The following ERC2 variants were observed in gnomAD, a reference collection of about 807,000 sequenced individuals.
ERC2 encodes the protein ERC protein 2.
Under a neutral mutation model 114.8 loss-of-function variants are expected in ERC2, and 42 were observed. That is an observed-to-expected ratio of 0.37 (90% confidence interval 0.29 to 0.47). The LOEUF is 0.47. ERC2 is among the 20% of genes least tolerant of loss of function. The pLI is 0.99. For missense variants in ERC2, 939 were observed against 1,150.7 expected (o/e 0.82, Z 2.66); for synonymous variants, 454 against 425.5 (o/e 1.07, Z -0.82).
At chr3:56,363,472 AC>A (rs2059034709) in intron 2 of ERC2, among the ~76,000 whole-genome samples, 1 of 152,224 alleles carries the variant, frequency 6.6e-6, no homozygotes, top group Non-Finnish European at 1.5e-5. Context: ...AACAAGGTGT[AC>A]ATGACTGAAT....
intron 2 of ERC2, among the ~76,000 whole-genome samples, chr3:56,425,746 T>A (rs142558915): frequency 2.0e-5 from 3 of 152,126 alleles, no homozygotes; most frequent in African/African-American, 7.2e-5. Context: ...TTATCAGGAC[T>A]GGCAATTACT....
intron 14 of ERC2, among the ~76,000 whole-genome samples, chr3:55,758,457 G>A (rs781164445): frequency 6.6e-6 from 1 of 152,180 alleles, no homozygotes; most frequent in African/African-American, 2.4e-5. Context: ...CTTCTCTGAC[G>A]GGTATCACCA....
At chr3:56,318,287 C>G (rs955579863) in intron 2 of ERC2, among the ~76,000 whole-genome samples, 26 of 152,112 alleles carry the variant, frequency 1.7e-4, no homozygotes, top group Admixed American at 2.6e-4. Flanking sequence ...CCTGGGCTCA[C>G]ACCTCAGCCT....
intron 6 of ERC2, among the ~76,000 whole-genome samples, chr3:56,095,179 A>T (rs1487563696): frequency 1.3e-5 from 2 of 152,164 alleles, no homozygotes; most frequent in African/African-American, 4.8e-5. Flanking sequence ...GCAGTGAGCT[A>T]TGATTGCACC....
chr3:56,452,273 G>T (rs2062857017), intron 1 of ERC2, among the ~76,000 whole-genome samples: 1 of 152,172 alleles, frequency 6.6e-6, no homozygotes, highest in South Asian at 2.1e-4. Flanking sequence ...GGTAAGGATT[G>T]TCAAGTTCCT....
chr3:56,064,565 A>G (rs1215593655), intron 7 of ERC2, among the ~76,000 whole-genome samples: 1 of 152,246 alleles, frequency 6.6e-6, no homozygotes, highest in Non-Finnish European at 1.5e-5. Flanking sequence ...ACAGAACGCA[A>G]CAGAAACTAA....
chr3:55,787,281 TG>T (rs2069589826), intron 14 of ERC2, among the ~76,000 whole-genome samples: 1 of 151,954 alleles, frequency 6.6e-6, no homozygotes, highest in African/African-American at 2.4e-5. Flanking sequence ...CTGGGTGTGG[TG>T]GTGCGCGCCT....
At chr3:55,985,870 A>G (rs930280502) in intron 12 of ERC2, 107 bp downstream of exon 12, 77 of 954,888 alleles carry the variant, frequency 8.1e-5, no homozygotes, top group Non-Finnish European at 1.1e-4. Flanking sequence ...GGGGAAATGC[A>G]GTGGCCCGAG....
chr3:56,009,624 G>T (rs1022371910), intron 9 of ERC2, among the ~76,000 whole-genome samples: 1 of 152,138 alleles, frequency 6.6e-6, no homozygotes, highest in African/African-American at 2.4e-5. Context: ...GCAGACAAAA[G>T]TAAGTGTGAA....
intron 2 of ERC2, among the ~76,000 whole-genome samples, chr3:56,348,995 A>G (rs1399069930): frequency 6.6e-6 from 1 of 150,532 alleles, no homozygotes; most frequent in African/African-American, 2.4e-5. Flanking sequence ...AAAGAAAGAA[A>G]GAAAGAATTT....
intron 1 of ERC2, among the ~76,000 whole-genome samples, chr3:56,437,689 T>C (rs1019379710): frequency 3.9e-5 from 6 of 152,218 alleles, no homozygotes; most frequent in Non-Finnish European, 7.3e-5. Context: ...ACAAAAACCA[T>C]TTTGTATCTA....
At chr3:55,743,593 C>CAAAAAAAAAAAAAAAAAAAAA (rs367859231) in intron 14 of ERC2, among the ~76,000 whole-genome samples, 2 of 97,196 alleles carry the variant, frequency 2.1e-5, no homozygotes, top group Admixed American at 1.3e-4. Flanking sequence ...CCTGATCCAC[C>CAAAAAAAAAAAAAAAAAAAAA]AAAAAAAAAA....
intron 3 of ERC2, among the ~76,000 whole-genome samples, chr3:56,187,077 G>A (rs914735625): frequency 8.5e-5 from 13 of 152,166 alleles, no homozygotes; most frequent in Non-Finnish European, 1.6e-4. Context: ...AATCTAACCT[G>A]AGCCTGGACT....
chr3:55,643,238 T>A (rs79795301), intron 17 of ERC2, among the ~76,000 whole-genome samples: 9,464 of 152,296 alleles, frequency 0.062, 377 homozygotes, highest in Middle Eastern at 0.13. Context: ...AAATTTTTTT[T>A]AAAAATCTAG....
intron 12 of ERC2, among the ~76,000 whole-genome samples, chr3:55,959,046 C>T (rs2068174832): frequency 6.6e-6 from 1 of 152,124 alleles, no homozygotes; most frequent in African/African-American, 2.4e-5. Flanking sequence ...ATCTTTGCAG[C>T]AGCCACTCCA....
At chr3:56,383,656 T>C (rs73075844) in intron 2 of ERC2, among the ~76,000 whole-genome samples, 5,062 of 144,682 alleles carry the variant, frequency 0.035, 177 homozygotes, top group African/African-American at 0.082. Flanking sequence ...CCTGTCATTA[T>C]GGCCTTACTC....
At chr3:55,873,286 G>A (rs1009416949) in intron 14 of ERC2, among the ~76,000 whole-genome samples, 2 of 152,098 alleles carry the variant, frequency 1.3e-5, no homozygotes, top group South Asian at 2.1e-4. Context: ...AGGCAGGGTG[G>A]TGCCATTGTT....
chr3:55,589,550 A>G (rs563644558), intron 17 of ERC2, among the ~76,000 whole-genome samples: 9 of 152,248 alleles, frequency 5.9e-5, no homozygotes, highest in Non-Finnish European at 2.9e-5. Flanking sequence ...CTGATATTCT[A>G]TTAGTAAGGA....
chr3:56,338,775 A>C (rs1162038158), intron 2 of ERC2, among the ~76,000 whole-genome samples: 1 of 152,198 alleles, frequency 6.6e-6, no homozygotes, highest in Non-Finnish European at 1.5e-5. Context: ...TAAAATCCAC[A>C]CTGGGACATT....
Sources: gnomAD v4.1 joint callset for allele counts (sites outside exome capture counted in the v4.1 genomes callset) on GRCh38, gnomAD v4.1.1 for gene constraint, MANE v1.5 for transcripts, NCBI Gene and HGNC (gene_info 2026-07-23, HGNC 2026-07-21) for gene names.